The following ST6GALNAC3 variants were observed in gnomAD, a reference collection of about 807,000 sequenced individuals.
The protein encoded by ST6GALNAC3 is ST6 N-acetylgalactosaminide alpha-2,6-sialyltransferase 3, also known as alpha-N-acetylgalactosaminide alpha-2,6-sialyltransferase 3.
ST6GALNAC3 carries 25 observed loss-of-function variants against 32.7 expected under a neutral mutation model. The ratio of observed to expected loss-of-function variants is 0.76; its 90% CI spans 0.56 to 1.07. The LOEUF is 1.07. Ranked by LOEUF, ST6GALNAC3 falls within the 50% of genes least tolerant of loss-of-function variation. The pLI is 0.00. For missense variants in ST6GALNAC3, 355 were observed against 382.4 expected (o/e 0.93, Z 0.60); for synonymous variants, 129 against 133.1 (o/e 0.97, Z 0.21).
intron 1 of ST6GALNAC3, among the ~76,000 whole-genome samples, chr1:76,079,853 A>T (rs980395830): frequency 2.6e-5 from 4 of 152,152 alleles, no homozygotes; most frequent in East Asian, 1.9e-4. Context: ...TTAGAGTCAC[A>T]TCTGTGGTCA....
chr1:76,208,254 C>G (rs1431683994), intron 1 of ST6GALNAC3, among the ~76,000 whole-genome samples: 1 of 152,238 alleles, frequency 6.6e-6, no homozygotes, highest in Admixed American at 6.5e-5. Flanking sequence ...TGGGATGATG[C>G]TATAACTTGC....
intron 1 of ST6GALNAC3, among the ~76,000 whole-genome samples, chr1:76,205,842 A>AC (rs1654790343): frequency 2.2e-5 from 1 of 44,484 alleles, no homozygotes; most frequent in African/African-American, 4.9e-5. Flanking sequence ...TAGGGATGTT[A>AC]AAGATTAGAC....
chr1:76,089,088 G>A (rs1647004720), intron 1 of ST6GALNAC3, among the ~76,000 whole-genome samples: 1 of 152,136 alleles, frequency 6.6e-6, no homozygotes. Flanking sequence ...GAGTGCAGTG[G>A]CACAATCTTG....
intron 1 of ST6GALNAC3, among the ~76,000 whole-genome samples, chr1:76,128,880 C>T (rs1649425004): frequency 6.6e-6 from 1 of 152,184 alleles, no homozygotes; most frequent in African/African-American, 2.4e-5. Flanking sequence ...ACAACAGCCA[C>T]CCTGTTTGAA....
intron 3 of ST6GALNAC3, among the ~76,000 whole-genome samples, chr1:76,608,631 GTGTGTGTGTGTGTGTA>G (rs1008627457): frequency 2.8e-5 from 4 of 141,276 alleles, no homozygotes; most frequent in African/African-American, 1.1e-4. Flanking sequence ...GTGTGTGTGT[GTGTGTGTGTGTGTGTA>G]CCTGGCCCAC....
At chr1:76,449,430 G>T (rs1030441580) in intron 3 of ST6GALNAC3, among the ~76,000 whole-genome samples, 1 of 152,156 alleles carries the variant, frequency 6.6e-6, no homozygotes, top group Non-Finnish European at 1.5e-5. Flanking sequence ...ACTCATTTGG[G>T]TAAATACTAA....
chr1:76,321,410 T>C (rs1298662608), intron 2 of ST6GALNAC3, among the ~76,000 whole-genome samples: 1 of 152,124 alleles, frequency 6.6e-6, no homozygotes. Flanking sequence ...TCCCCTCCCA[T>C]CCCCCATGGT....
intron 2 of ST6GALNAC3, among the ~76,000 whole-genome samples, chr1:76,358,124 T>C (rs1252493321): frequency 6.6e-6 from 1 of 152,226 alleles, no homozygotes; most frequent in African/African-American, 2.4e-5. Context: ...CCATCTCTTT[T>C]GCTGGCTTTT....
chr1:76,275,156 T>C (rs538075887), intron 1 of ST6GALNAC3, among the ~76,000 whole-genome samples: 8 of 152,314 alleles, frequency 5.3e-5, no homozygotes, highest in African/African-American at 1.9e-4. Context: ...AAAGATTCAT[T>C]GCAGGACTTT....
intron 3 of ST6GALNAC3, among the ~76,000 whole-genome samples, chr1:76,459,230 T>C (rs567868374): frequency 6.6e-6 from 1 of 152,290 alleles, no homozygotes; most frequent in African/African-American, 2.4e-5. Flanking sequence ...AATAGCACCC[T>C]TAAACAATAA....
Position 76,127,477 on chromosome 1 carries a change from C to G in ST6GALNAC3, c.18+52593C>G, listed in dbSNP as rs140526141. ...AATGGAAATAAAGTGAAGGTTCTGT[C>G]TTTATTTACAATAAATTTCATGTGT... On this transcript the variant is annotated intron_variant, in intron 1 of 4. Coordinates refer to ENST00000328299, the MANE Select transcript of ST6GALNAC3 (RefSeq NM_152996.4). 2.9e-3 allele frequency among the ~76,000 whole-genome samples: 443 copies of G among 152,226 alleles called. 3 individuals are homozygous for G. The highest frequency in any genetic ancestry group is 0.01 in the African/African-American group (429 of 41,540).
chr1:76,173,977 C>G (rs1319988676), intron 1 of ST6GALNAC3, among the ~76,000 whole-genome samples: 1 of 152,172 alleles, frequency 6.6e-6, no homozygotes, highest in African/African-American at 2.4e-5. Flanking sequence ...CCAGCAATCC[C>G]ATTACTGGGT....
chr1:76,157,853 C>T (rs536228052), intron 1 of ST6GALNAC3, among the ~76,000 whole-genome samples: 19 of 152,190 alleles, frequency 1.2e-4, no homozygotes, highest in Admixed American at 3.3e-4. Flanking sequence ...TACAGTTTTG[C>T]CTTTTCCAGA....
chr1:76,553,705 T>C lies in ST6GALNAC3; in HGVS notation c.624-73747T>C, dbSNP rs1321275032. Among the ~76,000 whole-genome samples the C allele has an allele frequency of 3.1e-4, 47 of 152,218 alleles. 1 individual carries two copies. Among genetic ancestry groups the C allele is most frequent in the Non-Finnish European group, 6.9e-4 (47 of 68,042 alleles). On this transcript the variant is annotated intron_variant, in intron 3 of 4. Coordinates refer to ENST00000328299, the MANE Select transcript of ST6GALNAC3 (RefSeq NM_152996.4). ...TTACTCGTCTTTAGTAATTACATGA[T>C]TTTTGAGACTAACATACATGTAAAA...
At chr1:76,293,020 C>T (rs1386571542) in intron 1 of ST6GALNAC3, among the ~76,000 whole-genome samples, 7 of 152,084 alleles carry the variant, frequency 4.6e-5, no homozygotes, top group Non-Finnish European at 8.8e-5. Context: ...ATCCCTAGTT[C>T]CCTAAATTAA....
rs1321205733 is a variant in ST6GALNAC3, at chr1:76,474,784, G to C, written c.623+62367G>C. ...GAAGGCGGAAGAGAGAAAGAGAGGA[G>C]AGGGAGAGGACTCTTGTGAAGAGAA... On this transcript the variant is annotated intron_variant, in intron 3 of 4. Coordinates refer to ENST00000328299, the MANE Select transcript of ST6GALNAC3 (RefSeq NM_152996.4). Among the ~76,000 whole-genome samples, 6 of 152,270 alleles carry C rather than the reference G, an allele frequency of 3.9e-5. No homozygotes were observed. In the East Asian group the frequency reaches 1.2e-3, roughly 29 times the overall value.
At chr1:76,507,736 A>T (rs2101745490) in intron 3 of ST6GALNAC3, among the ~76,000 whole-genome samples, 1 of 152,264 alleles carries the variant, frequency 6.6e-6, no homozygotes, top group Admixed American at 6.5e-5. Flanking sequence ...GGTTATGAAC[A>T]TTCCTTTACA....
At chr1:76,623,638 G>A (rs1456408631) in intron 3 of ST6GALNAC3, among the ~76,000 whole-genome samples, 1 of 151,946 alleles carries the variant, frequency 6.6e-6, no homozygotes, top group East Asian at 1.9e-4. Flanking sequence ...TAAGGCATTT[G>A]ATAGTTATCA....
chr1:76,277,590 GTA>G (rs373731545), intron 1 of ST6GALNAC3, among the ~76,000 whole-genome samples: 713 of 46,230 alleles, frequency 0.015, 4 homozygotes, highest in South Asian at 0.023. Flanking sequence ...ATGTTTATGT[GTA>G]TATATATATA....
Sources: allele counts gnomAD v4.1 joint callset (sites outside exome capture counted in the v4.1 genomes callset), GRCh38; gene constraint gnomAD v4.1.1; transcripts MANE v1.5; gene names NCBI Gene and HGNC (gene_info 2026-07-23, HGNC 2026-07-21).